The following KANK1 variants were observed in gnomAD, a reference collection of about 807,000 sequenced individuals.
The protein encoded by KANK1 is KN motif and ankyrin repeat domains 1, also known as KN motif and ankyrin repeat domain-containing protein 1.
Under a neutral mutation model 106.2 loss-of-function variants are expected in KANK1, and 109 were observed. That is an observed-to-expected ratio of 1.03 (90% CI 0.88 to 1.20). KANK1 has a LOEUF of 1.20. Ranked by LOEUF, KANK1 falls within the 50% of genes most tolerant of loss-of-function variation. The probability of loss-of-function intolerance (pLI) is 0.00; values close to 1 mark genes in which losing one functional copy is unlikely to be tolerated. For synonymous variants in KANK1, 873 were observed against 652.2 expected, an observed-to-expected ratio of 1.34 and a Z score of -5.16; for missense variants, 2,399 against 1,710.7, an observed-to-expected ratio of 1.40 and a Z score of -7.10.
Position 713,370 on chromosome 9 carries a change from C to T in KANK1, c.2604C>T (p.Ser868=), listed in dbSNP as rs773242459. The change falls in exon 3 of 12, where the codon AGC becomes AGT. Residue 868 remains serine, a synonymous_variant. Transcript: ENST00000382297. ...QMGSLNSQLI[S]TLSSINSVMK... The stretch of plus-strand genomic sequence containing the variant: ...GCTCCCTCAACTCTCAGCTCATCAG[C>T]ACCCTGTCGTCTATCAACTCTGTCA... 26 of 1,614,034 alleles carry T rather than the reference C, an allele frequency of 1.6e-5. No individual in the cohort carries two copies. Among genetic ancestry groups the T allele is most frequent in the South Asian group, 3.3e-5 (3 of 91,080 alleles).
rs765853573 is a variant in KANK1, at chr9:731,238, A to C, written c.2977A>C (p.Asn993His). The C allele has an allele frequency of 1.2e-6, 2 of 1,608,784 alleles. No homozygotes were observed. Among genetic ancestry groups the C allele is most frequent in the Admixed American group, 1.7e-5 (1 of 59,968 alleles). The change falls in exon 5 of 12, where the codon AAT (asparagine) becomes CAT (histidine). Residue 993 changes from asparagine to histidine, a missense_variant. Transcript: ENST00000382297. Reference protein sequence around the residue: ...GNKDSNGAKKNLQFVGINGGY... With the variant: ...GNKDSNGAKKHLQFVGINGGY... ...CAAAGATTCAAATGGCGCAAAAAAG[A>C]ATCTTCAGTTTGTTGGCATTAATGG... is the stretch of plus-strand genomic sequence containing the variant.
chr9:608,036 T>TTTTA (rs1554646419), intron 1 of KANK1, among the ~76,000 whole-genome samples: 19 of 134,740 alleles, frequency 1.4e-4, no homozygotes, highest in East Asian at 1.0e-3. Context: ...TTATTATTAT[T>TTTTA]TTTTTTTTTT....
intron 11 of KANK1, 54 bp downstream of exon 11, chr9:744,643 G>A: frequency 1.2e-6 from 2 of 1,613,730 alleles, no homozygotes; most frequent in Non-Finnish European, 1.7e-6. Context: ...CCAGACTGGT[G>A]GACCCCCTTC....
intron 6 of KANK1, chr9:733,490 T>G (rs1360011041): frequency 6.6e-6 from 1 of 152,238 alleles, no homozygotes; most frequent in East Asian, 1.9e-4. Flanking sequence ...TCACCAAATG[T>G]GGGTTCAGAT....
rs928133029 is a variant in KANK1 at position 745,409 on chromosome 9, A to G, written c.*174A>G. The G allele has an allele frequency of 5.7e-6, 4 of 705,668 alleles. No individual in the cohort carries two copies. Among genetic ancestry groups the G allele is most frequent in the Middle Eastern group, 3.7e-4 (1 of 2,708 alleles). The allele number at this position is 705,668 out of a possible 1,614,324, so 43.7% of individuals were successfully genotyped here. ...CAGTGCAGAGACTGCTAGCCTGGGC[A>G]CACACACCTCCTTTCTGGCCGTCTT... On this transcript the variant is annotated 3_prime_UTR_variant, in exon 12 of 12. Coordinates refer to ENST00000382297, the MANE Select transcript of KANK1 (RefSeq NM_015158.5).
chr9:687,787 T>C (rs1034376497), intron 2 of KANK1, among the ~76,000 whole-genome samples: 48 of 152,354 alleles, frequency 3.2e-4, no homozygotes, highest in African/African-American at 8.9e-4. Context: ...TATTCTGTTA[T>C]TATTCTATTA....
At chr9:529,097 C>G (rs934900413) in intron 1 of KANK1, among the ~76,000 whole-genome samples, 1 of 152,054 alleles carries the variant, frequency 6.6e-6, no homozygotes, top group Non-Finnish European at 1.5e-5. Context: ...CTGTGCCTGG[C>G]CCATGGCTCA....
At chr9:660,234 C>G (rs1478432498) in intron 1 of KANK1, 2 of 257,844 alleles carry the variant, frequency 7.8e-6, no homozygotes, top group Non-Finnish European at 1.7e-5. Context: ...GGAGGTCATT[C>G]AGCTACAGGG....
chr9:654,797 A>G (rs1841726528), intron 1 of KANK1, among the ~76,000 whole-genome samples: 1 of 145,516 alleles, frequency 6.9e-6, no homozygotes, highest in South Asian at 2.2e-4. Context: ...CACAATATGC[A>G]TTTGTGTGTG....
At chr9:741,071 A>G (rs1200288273) in intron 9 of KANK1, 137 bp downstream of exon 9, 7 of 906,534 alleles carry the variant, frequency 7.7e-6, no homozygotes, top group South Asian at 1.8e-5. Flanking sequence ...CCCTGAGTCC[A>G]TACACTGCCT....
intron 1 of KANK1, among the ~76,000 whole-genome samples, chr9:555,044 C>G (rs571046962): frequency 6.6e-6 from 1 of 152,148 alleles, no homozygotes; most frequent in Non-Finnish European, 1.5e-5. Context: ...CAAGTTGGCA[C>G]GTGAAATTAA....
intron 1 of KANK1, among the ~76,000 whole-genome samples, chr9:526,566 C>CA (rs1030042031): frequency 6.6e-6 from 1 of 151,646 alleles, no homozygotes; most frequent in African/African-American, 2.4e-5. Context: ...ATAAAAATTA[C>CA]AAAAAATTAT....
At chr9:617,033 C>T (rs1178815112) in intron 1 of KANK1, among the ~76,000 whole-genome samples, 1 of 152,068 alleles carries the variant, frequency 6.6e-6, no homozygotes, top group African/African-American at 2.4e-5. Flanking sequence ...AGTCCCTTCT[C>T]TAGAAGATCT....
At chr9:670,724 G>T (rs968583552) in intron 1 of KANK1, among the ~76,000 whole-genome samples, 1 of 152,160 alleles carries the variant, frequency 6.6e-6, no homozygotes, top group Admixed American at 6.5e-5. Context: ...TGTCCACAGG[G>T]TGGTATCTCC....
intron 1 of KANK1, among the ~76,000 whole-genome samples, chr9:529,360 C>T (rs1363086709): frequency 2.6e-5 from 4 of 151,738 alleles, no homozygotes; most frequent in African/African-American, 9.7e-5. Context: ...GCCACCATGC[C>T]CAGCTAATTT....
chr9:483,418 A>G (rs1163602708), intron 3 of KANK1, among the ~76,000 whole-genome samples: 1 of 152,228 alleles, frequency 6.6e-6, no homozygotes, highest in Non-Finnish European at 1.5e-5. Context: ...AGCTTCCCAG[A>G]TGATCCTAAT....
rs928632520 is a variant in KANK1, at chr9:480,981, A to G, written c.-362+7708A>G. Among the ~76,000 whole-genome samples the G allele has an allele frequency of 2.6e-5, 4 of 152,228 alleles. No individual in the cohort carries two copies. In the South Asian group the frequency reaches 6.2e-4, roughly 24 times the overall value. The stretch of plus-strand genomic sequence containing the variant: ...GTCCCAATAAACCCACCTAAGTGAA[A>G]AAATGCATTTAGTACACCTAACCTA... On this transcript the variant is annotated intron_variant, in intron 3 of 15. Coordinates refer to the KANK1 transcript ENST00000382303.
intron 1 of KANK1, among the ~76,000 whole-genome samples, chr9:534,959 G>A (rs546290066): frequency 1.3e-5 from 2 of 152,328 alleles, no homozygotes; most frequent in Non-Finnish European, 2.9e-5. Flanking sequence ...GAGGTAAGAA[G>A]CCAGACCAGA....
At chr9:484,080 G>T (rs1420744077) in intron 3 of KANK1, among the ~76,000 whole-genome samples, 1 of 152,202 alleles carries the variant, frequency 6.6e-6, no homozygotes, top group East Asian at 1.9e-4. Flanking sequence ...CAGCTTTAGA[G>T]ATTCAGGTCA....
Sources: allele counts gnomAD v4.1 joint callset (sites outside exome capture counted in the v4.1 genomes callset), GRCh38; gene constraint gnomAD v4.1.1; transcripts MANE v1.5; gene names NCBI Gene and HGNC (gene_info 2026-07-23, HGNC 2026-07-21).